Variants in MLLT3 observed in about 807,000 individuals in gnomAD.
MLLT3 encodes the protein MLLT3 super elongation complex subunit.
In MLLT3, 4 loss-of-function variants were observed where a neutral mutation model predicts 53.2. The ratio of observed to expected loss-of-function variants is 0.08; its 90% CI spans 0.04 to 0.17. MLLT3 has a LOEUF of 0.17. Ranked by LOEUF, MLLT3 falls within the 10% of genes least tolerant of loss-of-function variation. MLLT3 has a pLI of 1.00. For missense variants in MLLT3, 569 were observed against 684.0 expected (o/e 0.83, Z 1.87); for synonymous variants, 283 against 230.6 (o/e 1.23, Z -2.06).
At chr9:20,419,530 A>C (rs1822954580) in intron 4 of MLLT3, among the ~76,000 whole-genome samples, 1 of 151,894 alleles carries the variant, frequency 6.6e-6, no homozygotes, top group African/African-American at 2.4e-5. Flanking sequence ...TACTTAAAAA[A>C]AAAGGGAAAG....
intron 8 of MLLT3, among the ~76,000 whole-genome samples, chr9:20,355,707 G>A (rs1209922503): frequency 6.6e-6 from 1 of 152,154 alleles, no homozygotes; most frequent in African/African-American, 2.4e-5. Flanking sequence ...TTACACATGT[G>A]TATAAACACA....
chr9:20,414,756 C>T (rs1822830420), intron 4 of MLLT3, among the ~76,000 whole-genome samples: 1 of 152,074 alleles, frequency 6.6e-6, no homozygotes, highest in Admixed American at 6.5e-5. Context: ...TGGACCCCAC[C>T]CTTAATAACT....
At chr9:20,383,806 G>A (rs1233279509) in intron 5 of MLLT3, among the ~76,000 whole-genome samples, 1 of 151,834 alleles carries the variant, frequency 6.6e-6, no homozygotes, top group Admixed American at 6.6e-5. Flanking sequence ...AACTTCTCCT[G>A]GAGAAGGCAG....
intron 2 of MLLT3, among the ~76,000 whole-genome samples, chr9:20,590,649 G>C (rs1370831715): frequency 2.6e-5 from 4 of 152,182 alleles, no homozygotes; most frequent in African/African-American, 9.7e-5. Context: ...GTGGAGCTCT[G>C]AGTCAATTAA....
rs1268768182 is a variant in MLLT3, at chr9:20,445,093, T to C, written c.420+3030A>G. Among the ~76,000 whole-genome samples the C allele has an allele frequency of 6.6e-5, 10 of 150,522 alleles. No homozygotes were observed. The East Asian group carries it at 1.9e-3, about 29-fold the overall frequency. ...GCAACAGAGTGAGACTCCATCTCAATTAAAAAAAAAAAGTTCGTCGGGCTA... is the reference window on the plus strand; with the variant it reads ...GCAACAGAGTGAGACTCCATCTCAACTAAAAAAAAAAAGTTCGTCGGGCTA... On this transcript the variant is annotated intron_variant, in intron 4 of 10. Coordinates refer to ENST00000380338, the MANE Select transcript of MLLT3 (RefSeq NM_004529.4).
chr9:20,498,319 AT>A (rs1490505590), intron 2 of MLLT3, among the ~76,000 whole-genome samples: 2 of 143,952 alleles, frequency 1.4e-5, no homozygotes, highest in Non-Finnish European at 3.0e-5. Flanking sequence ...AGTCTTTTAA[AT>A]TTTAGCCATT....
chr9:20,544,479 G>A (rs1383467187), intron 2 of MLLT3, among the ~76,000 whole-genome samples: 1 of 152,208 alleles, frequency 6.6e-6, no homozygotes, highest in African/African-American at 2.4e-5. Context: ...AGAGGCATAT[G>A]AGAAGATGTT....
chr9:20,408,040 AAAG>A (rs1374339086), intron 5 of MLLT3, among the ~76,000 whole-genome samples: 1 of 152,204 alleles, frequency 6.6e-6, no homozygotes, highest in Non-Finnish European at 1.5e-5. Context: ...TAGCTCTCTT[AAAG>A]AAGGCTCACA....
At chr9:20,518,535 C>T (rs575336493) in intron 2 of MLLT3, among the ~76,000 whole-genome samples, 1 of 152,230 alleles carries the variant, frequency 6.6e-6, no homozygotes, top group East Asian at 1.9e-4. Context: ...AACAAGATAT[C>T]ACGCAATCTC....
At chr9:20,600,270 T>C (rs1484182554) in intron 2 of MLLT3, among the ~76,000 whole-genome samples, 1 of 152,192 alleles carries the variant, frequency 6.6e-6, no homozygotes, top group Non-Finnish European at 1.5e-5. Flanking sequence ...GTTATTGTGT[T>C]TGTGTGTATG....
intron 2 of MLLT3, among the ~76,000 whole-genome samples, chr9:20,487,167 G>A (rs915941327): frequency 3.9e-5 from 6 of 152,072 alleles, no homozygotes; most frequent in Admixed American, 2.6e-4. Context: ...TAAAAGTTGC[G>A]AAGCAGAGCT....
chr9:20,524,472 A>G (rs1470036745), intron 2 of MLLT3, among the ~76,000 whole-genome samples: 1 of 152,070 alleles, frequency 6.6e-6, no homozygotes, highest in Non-Finnish European at 1.5e-5. Flanking sequence ...ATCATCTTCC[A>G]TACTTTTTAA....
chr9:20,573,481 C>T (rs1289869958), intron 2 of MLLT3, among the ~76,000 whole-genome samples: 1 of 151,470 alleles, frequency 6.6e-6, no homozygotes, highest in East Asian at 1.9e-4. Flanking sequence ...TGGCCAGCCA[C>T]GAGGAAGATT....
In MLLT3 at chr9:20,346,235, T is replaced by C; in HGVS notation, c.*208A>G. 2.1e-6 allele frequency: 1 copy of C among 479,624 alleles called. No homozygotes were observed. Among genetic ancestry groups the C allele is most frequent in the South Asian group, 3.4e-5 (1 of 29,586 alleles). The allele number at this position is 479,624 out of a possible 1,614,324, so 29.7% of individuals were successfully genotyped here. A position where few individuals can be genotyped will look rare whatever the true frequency, so the allele number is the denominator to read the frequency against. ...AGAAGAGTGGTCCGCTGAGGCTGGT[T>C]TGCTTTAACCTCTCCTTTATCAAGA... On this transcript the variant is annotated 3_prime_UTR_variant, in exon 11 of 11. Transcript: ENST00000380338.
chr9:20,390,748 G>C (rs1346730550), intron 5 of MLLT3, among the ~76,000 whole-genome samples: 1 of 152,208 alleles, frequency 6.6e-6, no homozygotes, highest in Non-Finnish European at 1.5e-5. Flanking sequence ...AGCTGAGTTA[G>C]AAGTACAAAT....
At chr9:20,533,339 A>C in intron 2 of MLLT3, 1 of 254,958 alleles carries the variant, frequency 3.9e-6, no homozygotes, top group South Asian at 5.1e-5. Flanking sequence ...AACTGGGTTA[A>C]ATGTACACTG....
chr9:20,569,623 A>G (rs1235635003), intron 2 of MLLT3, among the ~76,000 whole-genome samples: 1 of 152,154 alleles, frequency 6.6e-6, no homozygotes, highest in African/African-American at 2.4e-5. Flanking sequence ...ACCTATAATA[A>G]AACTTCAGCA....
At chr9:20,388,421 T>C (rs1822094812) in intron 5 of MLLT3, among the ~76,000 whole-genome samples, 1 of 152,048 alleles carries the variant, frequency 6.6e-6, no homozygotes, top group Non-Finnish European at 1.5e-5. Flanking sequence ...ACCCCGTCTC[T>C]ACTAAAAATA....
At chr9:20,403,618 G>C (rs1038670553) in intron 5 of MLLT3, among the ~76,000 whole-genome samples, 4 of 152,156 alleles carry the variant, frequency 2.6e-5, no homozygotes, top group Admixed American at 2.6e-4. Context: ...AGCCCTGTCT[G>C]ATTCTTAACT....
Sources: gnomAD v4.1 joint callset for allele counts (sites outside exome capture counted in the v4.1 genomes callset) on GRCh38, gnomAD v4.1.1 for gene constraint, MANE v1.5 for transcripts, NCBI Gene and HGNC (gene_info 2026-07-23, HGNC 2026-07-21) for gene names.